Variants in SNTG2 observed in about 807,000 individuals in gnomAD.
The protein encoded by SNTG2 is gamma-2-syntrophin.
SNTG2 carries 74 observed loss-of-function variants against 70.9 expected under a neutral mutation model. The ratio of observed to expected loss-of-function variants is 1.04; its 90% CI spans 0.86 to 1.27. The LOEUF (loss-of-function observed/expected upper bound fraction) is 1.27, where lower values mean the gene tolerates loss of function less well. Ranked by LOEUF, SNTG2 falls within the 50% of genes most tolerant of loss-of-function variation. The pLI is 0.00. For synonymous variants in SNTG2, 278 were observed against 273.8 expected, an observed-to-expected ratio of 1.02 and a Z score of -0.15; for missense variants, 717 against 690.7, an observed-to-expected ratio of 1.04 and a Z score of -0.43.
At chr2:1,206,243 A>G (rs976906666) in intron 8 of SNTG2, among the ~76,000 whole-genome samples, 5 of 152,176 alleles carry the variant, frequency 3.3e-5, no homozygotes, top group Admixed American at 3.3e-4. Context: ...TGCTCAAATG[A>G]GCAGCACCTA....
At chr2:1,115,982 G>A (rs1010840353) in intron 4 of SNTG2, among the ~76,000 whole-genome samples, 21 of 152,226 alleles carry the variant, frequency 1.4e-4, no homozygotes, top group Admixed American at 5.2e-4. Context: ...GGGGGCCAAC[G>A]GGTTCCTCTT....
intron 14 of SNTG2, among the ~76,000 whole-genome samples, chr2:1,273,316 A>G (rs1443989473): frequency 6.6e-6 from 1 of 152,032 alleles, no homozygotes; most frequent in Non-Finnish European, 1.5e-5. Context: ...AATTTTTCTG[A>G]TAATTTCTCC....
intron 7 of SNTG2, among the ~76,000 whole-genome samples, chr2:1,172,521 C>T (rs929526462): frequency 3.9e-5 from 6 of 152,196 alleles, no homozygotes; most frequent in African/African-American, 1.4e-4. Context: ...TGCTCTATGT[C>T]CCCTGGGTAA....
chr2:1,036,270 A>G (rs1661122087), intron 1 of SNTG2, among the ~76,000 whole-genome samples: 1 of 151,948 alleles, frequency 6.6e-6, no homozygotes, highest in South Asian at 2.1e-4. Flanking sequence ...TCTTTTCTAT[A>G]TTTGTCACAT....
chr2:1,004,468 A>G (rs1659503990), intron 1 of SNTG2, among the ~76,000 whole-genome samples: 1 of 152,386 alleles, frequency 6.6e-6, no homozygotes, highest in East Asian at 1.9e-4. Flanking sequence ...ACTAAAACTC[A>G]ACTACAAAAC....
At chr2:1,115,992 T>C (rs756865553) in intron 4 of SNTG2, among the ~76,000 whole-genome samples, 2 of 152,252 alleles carry the variant, frequency 1.3e-5, no homozygotes, top group Non-Finnish European at 2.9e-5. Context: ...GGGTTCCTCT[T>C]CTAACAGACT....
intron 4 of SNTG2, among the ~76,000 whole-genome samples, chr2:1,118,563 A>G (rs571517199): frequency 1.3e-5 from 2 of 152,340 alleles, no homozygotes; most frequent in African/African-American, 4.8e-5. Flanking sequence ...ATCAGATAGC[A>G]TAAAAAGGAA....
At position 1,367,596 on chromosome 2, in the gene SNTG2, A is replaced by G; in HGVS notation, c.*122A>G. 8.2e-7 allele frequency: 1 copy of G among 1,223,458 alleles called. No individual in the cohort carries two copies. Among genetic ancestry groups the G allele is most frequent in the East Asian group, 2.7e-5 (1 of 37,644 alleles). The allele number at this position is 1,223,458 out of a possible 1,614,324, so 75.8% of individuals were successfully genotyped here. On this transcript the variant is annotated 3_prime_UTR_variant, in exon 17 of 17. Transcript: ENST00000308624. The stretch of plus-strand genomic sequence containing the variant: ...CCTATAGTTGTGATACCAATAAAAC[A>G]TGTCACTAGTTTCCAAAGACGGGTC...
At chr2:1,057,465 C>G (rs1302799195) in intron 1 of SNTG2, among the ~76,000 whole-genome samples, 2 of 152,100 alleles carry the variant, frequency 1.3e-5, no homozygotes, top group Admixed American at 6.5e-5. Context: ...AGCAAGGAAG[C>G]CAGTTCGAGT....
At chr2:1,079,369 A>T (rs1325341950) in intron 1 of SNTG2, among the ~76,000 whole-genome samples, 1 of 152,176 alleles carries the variant, frequency 6.6e-6, no homozygotes, top group African/African-American at 2.4e-5. Context: ...ATTTGACATA[A>T]TGTGTGTTAG....
At chr2:958,962 A>G (rs1660260905) in intron 1 of SNTG2, among the ~76,000 whole-genome samples, 1 of 152,238 alleles carries the variant, frequency 6.6e-6, no homozygotes, top group Non-Finnish European at 1.5e-5. Context: ...AACAAAAGGT[A>G]ATAAAGGATA....
chr2:1,151,330 C>G (rs1396164567), intron 6 of SNTG2, among the ~76,000 whole-genome samples: 2 of 152,240 alleles, frequency 1.3e-5, no homozygotes, highest in African/African-American at 4.8e-5. Flanking sequence ...TGTCCCACTC[C>G]TGTGCACAGC....
intron 13 of SNTG2, among the ~76,000 whole-genome samples, chr2:1,265,665 A>G (rs893661307): frequency 9.2e-5 from 14 of 152,310 alleles, no homozygotes; most frequent in Non-Finnish European, 4.4e-5. Context: ...AAGTAAAACT[A>G]TTTGGCCAAC....
intron 4 of SNTG2, among the ~76,000 whole-genome samples, chr2:1,109,914 C>T (rs1009352400): frequency 6.6e-6 from 1 of 152,174 alleles, no homozygotes; most frequent in Non-Finnish European, 1.5e-5. Context: ...CGCGAACCTT[C>T]AGTCGTTCTC....
intron 1 of SNTG2, among the ~76,000 whole-genome samples, chr2:1,083,298 A>G (rs1383828217): frequency 6.6e-6 from 1 of 151,408 alleles, no homozygotes; most frequent in Non-Finnish European, 1.5e-5. Flanking sequence ...AACATGCCTT[A>G]TATAAATCCT....
At chr2:1,309,134 A>T (rs1160273158) in intron 15 of SNTG2, among the ~76,000 whole-genome samples, 1 of 152,244 alleles carries the variant, frequency 6.6e-6, no homozygotes, top group Non-Finnish European at 1.5e-5. Flanking sequence ...ATTAAGAATG[A>T]GTGAAATGGA....
chr2:1,116,416 A>C (rs1572479023), intron 4 of SNTG2, among the ~76,000 whole-genome samples: 1 of 152,120 alleles, frequency 6.6e-6, no homozygotes, highest in Admixed American at 6.5e-5. Flanking sequence ...AAAACTCTCC[A>C]GAATTAGGGG....
intron 4 of SNTG2, among the ~76,000 whole-genome samples, chr2:1,105,053 C>T (rs1666026370): frequency 6.6e-6 from 1 of 152,218 alleles, no homozygotes; most frequent in Non-Finnish European, 1.5e-5. Flanking sequence ...AGTTCACCCT[C>T]AGAAAGGCTG....
chr2:1,067,474 AT>A (rs965257226), intron 1 of SNTG2, among the ~76,000 whole-genome samples: 5 of 152,322 alleles, frequency 3.3e-5, no homozygotes, highest in East Asian at 1.9e-4. Context: ...TAAAATACAT[AT>A]TTTTTTGTAA....
Sources: allele counts gnomAD v4.1 joint callset (sites outside exome capture counted in the v4.1 genomes callset), GRCh38; gene constraint gnomAD v4.1.1; transcripts MANE v1.5; gene names NCBI Gene and HGNC (gene_info 2026-07-23, HGNC 2026-07-21).